Variants in SLC7A14 observed in about 807,000 individuals in gnomAD.
SLC7A14 encodes the protein solute carrier family 7 member 14, also known as gamma-aminobutyric acid transporter SLC7A14.
A neutral mutation model predicts 60.2 loss-of-function variants in SLC7A14; 37 were observed. That is an observed-to-expected ratio of 0.61 (90% CI 0.47 to 0.81). The LOEUF is 0.81. SLC7A14 is among the 30% of genes least tolerant of loss of function. The pLI is 0.00. For missense variants in SLC7A14, 886 were observed against 982.7 expected (o/e 0.90, Z 1.32); for synonymous variants, 399 against 395.8 (o/e 1.01, Z -0.10).
chr3:170,523,807 G>C (rs555740044), intron 2 of SLC7A14, among the ~76,000 whole-genome samples: 34 of 152,230 alleles, frequency 2.2e-4, no homozygotes, highest in African/African-American at 8.2e-4. Flanking sequence ...AAACAATATG[G>C]GGATGATGAT....
intron 4 of SLC7A14, among the ~76,000 whole-genome samples, chr3:170,489,340 C>A (rs1163892037): frequency 6.6e-6 from 1 of 152,120 alleles, no homozygotes; most frequent in Non-Finnish European, 1.5e-5. Context: ...ATACAGAGGG[C>A]AAACAGGCAT....
chr3:170,569,478 T>C lies in SLC7A14; in HGVS notation c.-153+16433A>G, dbSNP rs1714883248. The stretch of plus-strand genomic sequence containing the variant: ...GATATTGGTCTAAAATTCTCTTTTT[T>C]GGTTGTGTCTCTGCCAGGCTTTGGT... On this transcript the variant is annotated intron_variant, in intron 1 of 7. Coordinates refer to ENST00000231706, the MANE Select transcript of SLC7A14 (RefSeq NM_020949.3). Among the ~76,000 whole-genome samples, 6 of 151,868 alleles carry C rather than the reference T, an allele frequency of 4.0e-5. No individual in the cohort carries two copies. The South Asian group carries it at 8.4e-4, about 21-fold the overall frequency.
Position 170,532,489 on chromosome 3 carries a change from A to G in SLC7A14, c.-152-5401T>C, listed in dbSNP as rs559980174. Among the ~76,000 whole-genome samples the G allele has an allele frequency of 3.9e-5, 6 of 152,356 alleles. No individual in the cohort carries two copies. The East Asian group carries it at 1.2e-3, about 29-fold the overall frequency. On this transcript the variant is annotated intron_variant, in intron 1 of 7. Coordinates refer to ENST00000231706, the MANE Select transcript of SLC7A14 (RefSeq NM_020949.3). This position sits in a 1 kb window ranked among gnomAD's most constrained non-coding sequence, Gnocchi z 4.0. ...CTTTACTAACTAAGTGACCTTGGGC[A>G]AACCTCACTATGCGTCAGTTTTGCC...
Position 170,472,034 on chromosome 3 carries a change from G to A in SLC7A14, c.1994-4657C>T, listed in dbSNP as rs148389366. On this transcript the variant is annotated intron_variant, in intron 7 of 7. Transcript: ENST00000231706. The stretch of plus-strand genomic sequence containing the variant: ...ATGGGTCATGGTGGGGGTGCGTGGT[G>A]TGTGCAGGAAAGTGACTAGTTAGCA... Among the ~76,000 whole-genome samples, 9 of 152,204 alleles carry A rather than the reference G, an allele frequency of 5.9e-5. No homozygotes were observed. In the East Asian group the frequency reaches 1.4e-3, roughly 23 times the overall value.
chr3:170,464,557 TTTTTTTTAAAAC>T lies in SLC7A14; in HGVS notation c.*2486_*2497del, dbSNP rs1739676203. 1 of 152,184 alleles carries T rather than the reference TTTTTTTTAAAAC, an allele frequency of 6.6e-6. No homozygotes were observed. The highest frequency in any genetic ancestry group is 6.5e-5 in the Admixed American group (1 of 15,278). The allele number at this position is 152,184 out of a possible 1,614,324, so 9.4% of individuals were successfully genotyped here. On this transcript the variant is annotated 3_prime_UTR_variant, in exon 8 of 8. Coordinates refer to ENST00000231706, the MANE Select transcript of SLC7A14 (RefSeq NM_020949.3). The stretch of plus-strand genomic sequence containing the variant: ...AAATACTTTTTCTATCTTAGTGATT[TTTTTTTTAAAAC>T]TAAGGTTGCTAGGGAGGTGATTTAT...
At chr3:170,498,516 T>C in intron 4 of SLC7A14, 151 bp downstream of exon 4, 1 of 674,568 alleles carries the variant, frequency 1.5e-6, no homozygotes, top group Non-Finnish European at 2.5e-6. Flanking sequence ...CTTCAGGATA[T>C]TCCAACTAAA....
chr3:170,464,042 CA>C lies in SLC7A14; in HGVS notation c.*3012del, dbSNP rs1739661645. On this transcript the variant is annotated 3_prime_UTR_variant, in exon 8 of 8. Transcript: ENST00000231706. Reference sequence around the variant, plus strand: ...CATTGGCAAATTTAGTAAAGCATGTCAGGGTTCTGCATTTATGTACTAAATA... The same window carrying C: ...CATTGGCAAATTTAGTAAAGCATGTCGGGTTCTGCATTTATGTACTAAATA... The C allele has an allele frequency of 6.6e-6, 1 of 152,168 alleles. No homozygotes were observed. The allele number at this position is 152,168 out of a possible 1,614,324, so 9.4% of individuals were successfully genotyped here. A position where few individuals can be genotyped will look rare whatever the true frequency, so the allele number is the denominator to read the frequency against.
intron 1 of SLC7A14, among the ~76,000 whole-genome samples, chr3:170,553,110 G>A (rs1714394147): frequency 6.6e-6 from 1 of 152,090 alleles, no homozygotes; most frequent in South Asian, 2.1e-4. Flanking sequence ...GTTTCATTCC[G>A]GCATTTATCA....
chr3:170,534,189 C>T (rs1163939077), intron 1 of SLC7A14, among the ~76,000 whole-genome samples: 1 of 152,160 alleles, frequency 6.6e-6, no homozygotes, highest in African/African-American at 2.4e-5. Flanking sequence ...GACAGTGGAT[C>T]GGCTTCAGAT....
intron 7 of SLC7A14, among the ~76,000 whole-genome samples, chr3:170,472,332 G>T (rs1290330445): frequency 6.6e-6 from 1 of 150,926 alleles, no homozygotes; most frequent in Non-Finnish European, 1.5e-5. Flanking sequence ...TCACGCCATT[G>T]CACTCCAGCC....
In SLC7A14 at chr3:170,504,002, CTAACCA is replaced by C. The variant is rs1438891238; in HGVS notation, c.305-2663_305-2658del. Among the ~76,000 whole-genome samples the C allele has an allele frequency of 4.6e-5, 7 of 152,316 alleles. No individual in the cohort carries two copies. In the East Asian group the frequency reaches 1.3e-3, roughly 29 times the overall value. On this transcript the variant is annotated intron_variant, in intron 2 of 7. Transcript: ENST00000231706. ...GAACACTGGGAAAATCAATCAGGCACTAACCATACAAGACAATTTCTGCTTCACGAA... is the reference window on the plus strand; with the variant it reads ...GAACACTGGGAAAATCAATCAGGCACTACAAGACAATTTCTGCTTCACGAA...
At position 170,486,318 on chromosome 3, in the gene SLC7A14, G is replaced by A; in HGVS notation, c.810C>T (p.Ile270=). ...TCFYAFIGFD[I]IATTGEEAKN... ...TGGCTTCCTCTCCAGTGGTGGCGAT[G>A]ATGTCAAAGCCAATGAAAGCGTAGA... The change falls in exon 5 of 8, where the codon ATC becomes ATT. Residue 270 remains isoleucine (I), a synonymous_variant. Transcript: ENST00000231706. 1 of 1,614,264 alleles carries A rather than the reference G, an allele frequency of 6.2e-7. No individual in the cohort carries two copies. The highest frequency in any genetic ancestry group is 8.5e-7 in the Non-Finnish European group (1 of 1,180,048).
chr3:170,480,952 A>G lies in SLC7A14; in HGVS notation c.1330T>C (p.Leu444=), dbSNP rs1379237448. ...ESDIDGFVKF[L]SEEHTKKKEG... is the part of the protein sequence containing the mutation. Reference sequence around the variant, plus strand: ...TTCTTCTTGGTGTGCTCCTCAGACAAGAACTTGACAAAACCATCAATGTCA... The same window carrying G: ...TTCTTCTTGGTGTGCTCCTCAGACAGGAACTTGACAAAACCATCAATGTCA... Residue 444 remains leucine, a synonymous_variant, in exon 7 of 8, where the codon TTG becomes CTG. Transcript: ENST00000231706. The G allele has an allele frequency of 5.6e-6, 9 of 1,613,978 alleles. No homozygotes were observed. The highest frequency in any genetic ancestry group is 7.6e-6 in the Non-Finnish European group (9 of 1,180,020).
intron 1 of SLC7A14, among the ~76,000 whole-genome samples, chr3:170,559,986 T>C (rs201081480): frequency 6.6e-6 from 1 of 152,250 alleles, no homozygotes; most frequent in East Asian, 1.9e-4. Context: ...GTAGCTCTTT[T>C]ATTTTTGGTA....
At chr3:170,496,285 A>G (rs1241309031) in intron 4 of SLC7A14, 2 of 974,480 alleles carry the variant, frequency 2.1e-6, no homozygotes. Flanking sequence ...TACCAGATCA[A>G]GTATGCAGAG....
intron 4 of SLC7A14, chr3:170,496,038 G>T: frequency 3.2e-6 from 4 of 1,248,772 alleles, no homozygotes; most frequent in Non-Finnish European, 4.7e-6. Context: ...CATGGATGAA[G>T]CTTACATGAA....
chr3:170,469,195 G>T (rs1316674356), intron 7 of SLC7A14, among the ~76,000 whole-genome samples: 1 of 152,140 alleles, frequency 6.6e-6, no homozygotes. Context: ...TGCTGGGCTG[G>T]TTTGCTTAGA....
chr3:170,562,392 T>C (rs1180435318), intron 1 of SLC7A14, among the ~76,000 whole-genome samples: 3 of 151,820 alleles, frequency 2.0e-5, no homozygotes, highest in African/African-American at 7.3e-5. Flanking sequence ...AACTCTGGAA[T>C]GGAAAATGAA....
At chr3:170,526,536 T>C (rs1358749416) in intron 2 of SLC7A14, 97 bp downstream of exon 2, 8 of 1,452,820 alleles carry the variant, frequency 5.5e-6, no homozygotes, top group Non-Finnish European at 7.4e-6. Context: ...TGCCACTTCA[T>C]ACATCTCACC....
Sources: gnomAD v4.1 joint callset for allele counts (sites outside exome capture counted in the v4.1 genomes callset) on GRCh38, gnomAD v4.1.1 for gene constraint, Gnocchi (gnomAD v3.1) non-coding constraint, MANE v1.5 for transcripts, NCBI Gene and HGNC (gene_info 2026-07-23, HGNC 2026-07-21) for gene names.